The following SYNPR variants were observed in gnomAD, a reference collection of about 807,000 sequenced individuals.
SYNPR encodes the protein synaptoporin.
SYNPR carries 23 observed loss-of-function variants against 32.9 expected under a neutral mutation model. The ratio of observed to expected loss-of-function variants is 0.70; its 90% CI spans 0.50 to 0.99. The LOEUF is 0.99. Ranked by LOEUF, SYNPR falls within the 50% of genes least tolerant of loss-of-function variation. The pLI, the probability that SYNPR is intolerant of heterozygous loss-of-function variation, is 0.00. For missense variants in SYNPR, 318 were observed against 349.3 expected, an observed-to-expected ratio of 0.91 and a Z score of 0.71; for synonymous variants, 146 against 135.9, an observed-to-expected ratio of 1.07 and a Z score of -0.52.
intron 4 of SYNPR, among the ~76,000 whole-genome samples, chr3:63,565,144 C>T (rs1409555504): frequency 6.6e-6 from 1 of 152,142 alleles, no homozygotes; most frequent in Non-Finnish European, 1.5e-5. Context: ...CATAGCCTGG[C>T]ATACCCAGAG....
At chr3:63,390,518 G>A (rs1474080003) in intron 2 of SYNPR, among the ~76,000 whole-genome samples, 1 of 152,250 alleles carries the variant, frequency 6.6e-6, no homozygotes, top group East Asian at 1.9e-4. Flanking sequence ...TGCTATTGTG[G>A]GGATGCAATG....
intron 2 of SYNPR, among the ~76,000 whole-genome samples, chr3:63,356,205 G>A (rs953707425): frequency 2.0e-5 from 3 of 152,188 alleles, no homozygotes; most frequent in Non-Finnish European, 2.9e-5. Context: ...GGCCATGTTC[G>A]CTGTACTTTC....
At chr3:63,551,282 A>T (rs189406858) in intron 3 of SYNPR, among the ~76,000 whole-genome samples, 1 of 152,216 alleles carries the variant, frequency 6.6e-6, no homozygotes, top group African/African-American at 2.4e-5. Flanking sequence ...ATTCTTTTGT[A>T]TGAATAAACT....
At chr3:63,220,605 A>G in the SYNPR span, among the ~76,000 whole-genome samples, 4 of 152,164 alleles carry the variant, frequency 2.6e-5, no homozygotes, top group Admixed American at 2.0e-4. Context: ...TGGTGCCGTG[A>G]AAGTCACCCC....
intron 2 of SYNPR, among the ~76,000 whole-genome samples, chr3:63,365,005 T>G (rs2087714601): frequency 6.6e-6 from 1 of 152,170 alleles, no homozygotes; most frequent in African/African-American, 2.4e-5. Context: ...ATGAAAAGGT[T>G]GACTTTGGAG....
At chr3:63,278,223 C>T, upstream of SYNPR, 3 of 335,454 alleles carry the variant, frequency 8.9e-6, no homozygotes, top group Non-Finnish European at 1.6e-5. Context: ...CTCTGGAGCG[C>T]GGCTGGCCAA....
intron 3 of SYNPR, among the ~76,000 whole-genome samples, chr3:63,538,756 T>C (rs928841258): frequency 5.3e-5 from 8 of 152,086 alleles, no homozygotes; most frequent in African/African-American, 7.2e-5. Flanking sequence ...AACCAACCCA[T>C]AAGCATAAGA....
intron 3 of SYNPR, among the ~76,000 whole-genome samples, chr3:63,496,396 G>A (rs1453691824): frequency 6.6e-6 from 1 of 151,926 alleles, no homozygotes; most frequent in Non-Finnish European, 1.5e-5. Flanking sequence ...ATAATTTCTT[G>A]TATGACTATA....
At chr3:63,429,529 A>G (rs1699949329) in intron 2 of SYNPR, among the ~76,000 whole-genome samples, 1 of 152,192 alleles carries the variant, frequency 6.6e-6, no homozygotes, top group Admixed American at 6.5e-5. Context: ...ATGATTTCTG[A>G]TAGTCAAAGT....
chr3:63,559,679 CAG>C (rs925221078), intron 4 of SYNPR, among the ~76,000 whole-genome samples: 4 of 148,592 alleles, frequency 2.7e-5, no homozygotes, highest in Non-Finnish European at 3.0e-5. Flanking sequence ...AGTAACAAAA[CAG>C]AATTTGAAAC....
intron 4 of SYNPR, among the ~76,000 whole-genome samples, chr3:63,595,733 A>C (rs1404140354): frequency 3.5e-5 from 1 of 28,320 alleles, no homozygotes; most frequent in Non-Finnish European, 5.0e-5. Flanking sequence ...ATATATATAT[A>C]TATATATATA....
intron 2 of SYNPR, among the ~76,000 whole-genome samples, chr3:63,392,129 T>G (rs1465082951): frequency 6.6e-6 from 1 of 152,196 alleles, no homozygotes; most frequent in East Asian, 1.9e-4. Flanking sequence ...ACATTTATTA[T>G]AGAAAAGAGA....
At chr3:63,434,754 TGC>T (rs1423952195) in intron 2 of SYNPR, among the ~76,000 whole-genome samples, 1 of 152,204 alleles carries the variant, frequency 6.6e-6, no homozygotes, top group Admixed American at 6.5e-5. Flanking sequence ...GCCATCAATT[TGC>T]TGATAGAGCT....
chr3:63,246,508 T>C (rs1347075627), intron 1 of SYNPR, among the ~76,000 whole-genome samples: 1 of 152,088 alleles, frequency 6.6e-6, no homozygotes, highest in East Asian at 1.9e-4. Context: ...ATAAATTCTA[T>C]ATAGAAATAT....
At chr3:63,295,829 T>C (rs955466622) in intron 2 of SYNPR, among the ~76,000 whole-genome samples, 2 of 152,224 alleles carry the variant, frequency 1.3e-5, no homozygotes, top group South Asian at 2.1e-4. Flanking sequence ...TTTTTCTCCA[T>C]CAGTAATTTC....
intron 2 of SYNPR, among the ~76,000 whole-genome samples, chr3:63,383,367 T>A (rs1308787652): frequency 1.3e-5 from 2 of 152,196 alleles, no homozygotes; most frequent in Non-Finnish European, 2.9e-5. Flanking sequence ...ATCTTTTCCA[T>A]ATTTATTAAG....
At position 63,616,226 on chromosome 3, in the gene SYNPR, C is replaced by T. The variant is rs1249543084; in HGVS notation, c.*745C>T. ...CCCCATTAGTAAACATTTAGTGCTA[C>T]ATATGATAACTGCCCAATATTTATT... is the stretch of plus-strand genomic sequence containing the variant. On this transcript the variant is annotated 3_prime_UTR_variant, in exon 6 of 6. Transcript: ENST00000478300. The T allele has an allele frequency of 2.0e-5, 3 of 152,294 alleles. No homozygotes were observed. The highest frequency in any genetic ancestry group is 1.9e-4 in the East Asian group (1 of 5,194). The allele number at this position is 152,294 out of a possible 1,614,324, so 9.4% of individuals were successfully genotyped here. A position where few individuals can be genotyped will look rare whatever the true frequency, so the allele number is the denominator to read the frequency against.
chr3:63,523,116 T>C (rs1256479287), intron 3 of SYNPR, among the ~76,000 whole-genome samples: 1 of 152,084 alleles, frequency 6.6e-6, no homozygotes, highest in Non-Finnish European at 1.5e-5. Context: ...AGGGGAATCA[T>C]AGTAACCTGG....
At chr3:63,203,068 G>GTGTGTATATA in the SYNPR span, 131 of 108,556 alleles carry the variant, frequency 1.2e-3, no homozygotes, top group African/African-American at 3.9e-3. Context: ...ATATGTATGT[G>GTGTGTATATA]TATATATATA....
Sources: gnomAD v4.1 joint callset for allele counts (sites outside exome capture counted in the v4.1 genomes callset) on GRCh38, gnomAD v4.1.1 for gene constraint, MANE v1.5 for transcripts, NCBI Gene and HGNC (gene_info 2026-07-23, HGNC 2026-07-21) for gene names.